Variants in PARD3B observed in about 807,000 individuals in gnomAD.
The protein encoded by PARD3B is partitioning defective 3 homolog B.
In PARD3B, 103 loss-of-function variants were observed where a neutral mutation model predicts 130.2. That is an observed-to-expected ratio of 0.79 (90% confidence interval 0.67 to 0.93). The LOEUF (loss-of-function observed/expected upper bound fraction) is 0.93. Ranked by LOEUF, PARD3B falls within the 40% of genes least tolerant of loss-of-function variation. The probability of loss-of-function intolerance (pLI) is 0.00; values close to 1 mark genes in which losing one functional copy is unlikely to be tolerated. For missense variants in PARD3B, 1,609 were observed against 1,499.2 expected (o/e 1.07, Z -1.21); for synonymous variants, 583 against 553.2 (o/e 1.05, Z -0.76).
At chr2:205,113,943 TA>T (rs1346760017) in intron 6 of PARD3B, among the ~76,000 whole-genome samples, 1 of 152,158 alleles carries the variant, frequency 6.6e-6, no homozygotes, top group Admixed American at 6.6e-5. Flanking sequence ...CAAGTGAGTA[TA>T]ATAATTCCAA....
rs752769964 is a variant in PARD3B, at chr2:204,906,404, T to C, written c.223-58748T>C. Among the ~76,000 whole-genome samples the C allele has an allele frequency of 1.6e-4, 24 of 152,152 alleles. No individual in the cohort carries two copies. The highest frequency in any genetic ancestry group is 3.3e-4 in the Admixed American group (5 of 15,274). On this transcript the variant is annotated intron_variant, in intron 2 of 22. Coordinates refer to ENST00000406610, the MANE Select transcript of PARD3B (RefSeq NM_001302769.2). The surrounding 1 kb of genome is among the most constrained non-coding windows in gnomAD (Gnocchi z 4.3). ...TTTCCCCCTTTGTTTTCTCTTTTCA[T>C]TGGTGTGTGTGTGTGTATGTATAAA...
At position 205,435,497 on chromosome 2, in the gene PARD3B, A is replaced by G. The variant is rs140197897; in HGVS notation, c.2742-4873A>G. Among the ~76,000 whole-genome samples the G allele has an allele frequency of 3.9e-3, 589 of 151,952 alleles. 2 individuals are homozygous for G. The highest frequency in any genetic ancestry group is 0.013 in the African/African-American group (536 of 41,512). On this transcript the variant is annotated intron_variant, in intron 19 of 22. Transcript: ENST00000406610. ...AATTTGGTCAACTTATTTTTTTGTT[A>G]CTTTCTTTTTTACTGCTATCTCTTT...
chr2:205,099,835 T>TA, intron 4 of PARD3B, among the ~76,000 whole-genome samples: 1 of 152,340 alleles, frequency 6.6e-6, no homozygotes, highest in East Asian at 1.9e-4. Context: ...TGATAAACTA[T>TA]AGTTACTACC....
intron 15 of PARD3B, among the ~76,000 whole-genome samples, chr2:205,206,779 C>A (rs1435609132): frequency 6.6e-6 from 1 of 151,914 alleles, no homozygotes; most frequent in African/African-American, 2.4e-5. Flanking sequence ...GAGACTTTAA[C>A]ACCCCACTGT....
At chr2:204,818,783 AC>A (rs2043231674) in intron 2 of PARD3B, among the ~76,000 whole-genome samples, 1 of 152,124 alleles carries the variant, frequency 6.6e-6, no homozygotes, top group Admixed American at 6.6e-5. Flanking sequence ...AGAAAAAGGA[AC>A]TTTTTATTAG....
intron 21 of PARD3B, among the ~76,000 whole-genome samples, chr2:205,517,007 C>T (rs775360040): frequency 9.2e-5 from 14 of 152,050 alleles, no homozygotes; most frequent in African/African-American, 1.7e-4. Context: ...ACCTTTTCTG[C>T]GTCTATTGAG....
intron 20 of PARD3B, among the ~76,000 whole-genome samples, chr2:205,448,573 T>C (rs898641328): frequency 2.6e-5 from 4 of 152,358 alleles, no homozygotes; most frequent in Admixed American, 1.3e-4. Context: ...TATTTTAAAG[T>C]ATGGATTTTT....
At chr2:205,602,143 T>G (rs926142702) in intron 22 of PARD3B, among the ~76,000 whole-genome samples, 5 of 152,230 alleles carry the variant, frequency 3.3e-5, no homozygotes, top group Non-Finnish European at 5.9e-5. Flanking sequence ...TCATGTGATT[T>G]TTGTCTTCAG....
At chr2:204,850,863 T>G (rs1340207642) in intron 2 of PARD3B, among the ~76,000 whole-genome samples, 1 of 152,200 alleles carries the variant, frequency 6.6e-6, no homozygotes, top group Non-Finnish European at 1.5e-5. Context: ...GTTTTTGTAT[T>G]GGTAGCTTGA....
intron 10 of PARD3B, among the ~76,000 whole-genome samples, chr2:205,147,472 G>A (rs183350901): frequency 1.1e-4 from 17 of 152,194 alleles, no homozygotes; most frequent in Admixed American, 7.2e-4. Flanking sequence ...ATATGGAATG[G>A]CCATTTTCTG....
At chr2:204,746,518 A>C (rs1316186988) in intron 2 of PARD3B, among the ~76,000 whole-genome samples, 4 of 152,068 alleles carry the variant, frequency 2.6e-5, no homozygotes, top group African/African-American at 9.7e-5. Flanking sequence ...GGCTGGGTCA[A>C]ATGGTATTTC....
At chr2:204,714,619 A>G (rs2038631253) in intron 2 of PARD3B, among the ~76,000 whole-genome samples, 1 of 152,234 alleles carries the variant, frequency 6.6e-6, no homozygotes. Flanking sequence ...AATTATTTCC[A>G]AAGAGGAAAA....
intron 16 of PARD3B, among the ~76,000 whole-genome samples, chr2:205,296,724 T>C (rs2041808941): frequency 6.6e-6 from 1 of 151,452 alleles, no homozygotes; most frequent in Non-Finnish European, 1.5e-5. Context: ...CGCTGTATTT[T>C]TGGGAATGGA....
chr2:205,047,747 T>C (rs1480474400), intron 4 of PARD3B, 57 bp downstream of exon 4: 5 of 1,289,752 alleles, frequency 3.9e-6, no homozygotes, highest in Non-Finnish European at 4.4e-6. Flanking sequence ...TACCCATAGG[T>C]TAAGTGGGAC....
chr2:205,047,628 C>G lies in PARD3B; in HGVS notation c.442C>G (p.Pro148Ala). 6.4e-7 allele frequency: 1 copy of G among 1,550,840 alleles called. No individual in the cohort carries two copies. Among genetic ancestry groups the G allele is most frequent in the Non-Finnish European group, 8.7e-7 (1 of 1,146,934 alleles). The stretch of plus-strand genomic sequence containing the variant: ...AAGCAGTGACCCAGTGCCAGGCCCA[C>G]CTGCTGATACCCAGCCAAGCGCTTC... ...RRSSDPVPGP[P>A]ADTQPSASHP... is the part of the protein sequence containing the mutation. Residue 148 changes from proline (P) to alanine (A), a missense_variant, in exon 4 of 23, where the codon CCT becomes GCT. Coordinates refer to ENST00000406610, the MANE Select transcript of PARD3B (RefSeq NM_001302769.2).
At chr2:205,487,183 A>G (rs1057297499) in intron 20 of PARD3B, among the ~76,000 whole-genome samples, 2 of 152,194 alleles carry the variant, frequency 1.3e-5, no homozygotes, top group African/African-American at 4.8e-5. Context: ...CACTTGTCAC[A>G]TATATTTAGA....
rs1347516646 is a variant in PARD3B, at chr2:205,021,612, C to T, written c.395-25969C>T. Among the ~76,000 whole-genome samples the T allele has an allele frequency of 7.1e-6, 1 of 140,322 alleles. No individual in the cohort carries two copies. The highest frequency in any genetic ancestry group is 2.0e-4 in the East Asian group (1 of 5,036). The allele number at this position is 140,322 out of a possible 152,430, so 92.1% of individuals were successfully genotyped here. ...TCTTCTCTTCTCTCTCTCTCTCTCT[C>T]TCTCTCTCCCTCTCTCTTTCTCTCT... On this transcript the variant is annotated intron_variant, in intron 3 of 22. Transcript: ENST00000406610. The surrounding 1 kb of genome is among the most constrained non-coding windows in gnomAD (Gnocchi z 4.5).
intron 2 of PARD3B, 107 bp from the exon 3 acceptor site, chr2:204,965,045 A>G (rs1691104291): frequency 2.0e-6 from 2 of 1,019,366 alleles, no homozygotes; most frequent in African/African-American, 1.6e-5. Flanking sequence ...TTTAAGTTTG[A>G]TGAGGCGATT....
chr2:204,886,918 C>CTAA (rs2046289028), intron 2 of PARD3B, among the ~76,000 whole-genome samples: 1 of 152,130 alleles, frequency 6.6e-6, no homozygotes, highest in Non-Finnish European at 1.5e-5. Flanking sequence ...GGGCTTTAGC[C>CTAA]TAATGACCAT....
Sources: allele counts gnomAD v4.1 joint callset (sites outside exome capture counted in the v4.1 genomes callset), GRCh38; gene constraint gnomAD v4.1.1; non-coding constraint Gnocchi (gnomAD v3.1); transcripts MANE v1.5; gene names NCBI Gene and HGNC (gene_info 2026-07-23, HGNC 2026-07-21).